The following MAP3K9 variants were observed in gnomAD, a reference collection of about 807,000 sequenced individuals.
MAP3K9 encodes the protein mitogen-activated protein kinase kinase kinase 9.
MAP3K9 carries 46 observed loss-of-function variants against 95.8 expected under a neutral mutation model. The observed-to-expected ratio is 0.48, with a 90% CI of 0.38 to 0.61. The LOEUF (loss-of-function observed/expected upper bound fraction) is 0.61, where lower values mean the gene tolerates loss of function less well. Ranked by LOEUF, MAP3K9 falls within the 20% of genes least tolerant of loss-of-function variation. MAP3K9 has a pLI of 0.00. For synonymous variants in MAP3K9, 533 were observed against 593.8 expected (o/e 0.90, Z 1.49); for missense variants, 1,296 against 1,474.3 (o/e 0.88, Z 1.98).
At chr14:70,776,401 T>G (rs1425911230) in intron 2 of MAP3K9, among the ~76,000 whole-genome samples, 5 of 152,038 alleles carry the variant, frequency 3.3e-5, no homozygotes, top group African/African-American at 1.2e-4. Context: ...GAAGAAACCC[T>G]CCTACACTAG....
In MAP3K9 at chr14:70,741,997, G is replaced by A. The variant is rs547098007; in HGVS notation, c.1567+354C>T. Among the ~76,000 whole-genome samples the A allele has an allele frequency of 9.9e-5, 15 of 152,238 alleles. No homozygotes were observed. In the East Asian group the frequency reaches 2.7e-3, roughly 27 times the overall value. The stretch of plus-strand genomic sequence containing the variant: ...TTATTTTGCAGAGCCAAAACTTCTC[G>A]TGTCTCACACATGCACACCCTGGAA... On this transcript the variant is annotated intron_variant, in intron 6 of 11. Coordinates refer to ENST00000554752, the MANE Select transcript of MAP3K9 (RefSeq NM_001284230.2).
At chr14:70,783,563 G>C in intron 2 of MAP3K9, 1 of 194,992 alleles carries the variant, frequency 5.1e-6, no homozygotes, top group Non-Finnish European at 9.3e-6. Flanking sequence ...AAATAGCCGG[G>C]AGGCTTCACT....
chr14:70,785,437 T>A (rs1234935250), intron 2 of MAP3K9, among the ~76,000 whole-genome samples: 2 of 152,184 alleles, frequency 1.3e-5, no homozygotes, highest in Non-Finnish European at 2.9e-5. Flanking sequence ...ACACTAACAA[T>A]AAAATAGAAC....
chr14:70,780,609 A>G (rs531840622), intron 2 of MAP3K9, among the ~76,000 whole-genome samples: 1 of 152,312 alleles, frequency 6.6e-6, no homozygotes, highest in Non-Finnish European at 1.5e-5. Context: ...TCTTGTGCAA[A>G]TTAAGCCCAG....
In MAP3K9 at chr14:70,808,918, T is replaced by C. The variant is rs377295870; in HGVS notation, c.254A>G (p.Asp85Gly). The stretch of plus-strand genomic sequence containing the variant: ...GCCCTCGTCGCCGGACACCTGCGAG[T>C]CCTTGGACAGCACCTCCACCACGTC... Reference protein sequence around the residue: ...LGDVVEVLSKDSQVSGDEGWW... With the variant: ...LGDVVEVLSKGSQVSGDEGWW... The change falls in exon 1 of 12, where the codon GAC becomes GGC. Residue 85 changes from aspartate (D) to glycine (G), a missense_variant. Around this residue, in one of 5 missense-constraint regions of MAP3K9, gnomAD observed 338 missense variants for 363.4 expected, o/e 0.93. Transcript: ENST00000554752. 181 of 1,591,098 alleles carry C rather than the reference T, an allele frequency of 1.1e-4. No homozygotes were observed. The highest frequency in any genetic ancestry group is 1.5e-4 in the Non-Finnish European group (175 of 1,173,432).
chr14:70,748,716 C>CAA, intron 5 of MAP3K9, 113 bp downstream of exon 5: 1 of 768,940 alleles, frequency 1.3e-6, no homozygotes. Context: ...ATGCTAGAAT[C>CAA]AAGATGGTCA....
intron 3 of MAP3K9, among the ~76,000 whole-genome samples, chr14:70,755,077 A>G (rs2054280402): frequency 6.6e-6 from 1 of 152,206 alleles, no homozygotes; most frequent in Admixed American, 6.5e-5. Flanking sequence ...GGCCCTGGGC[A>G]CCTGGAATAG....
At chr14:70,793,069 G>A (rs369315315) in intron 2 of MAP3K9, among the ~76,000 whole-genome samples, 4 of 152,328 alleles carry the variant, frequency 2.6e-5, no homozygotes, top group South Asian at 2.1e-4. Context: ...GCACCATGAG[G>A]AGCGTGACAG....
chr14:70,773,269 G>A, intron 2 of MAP3K9, among the ~76,000 whole-genome samples: 1 of 152,214 alleles, frequency 6.6e-6, no homozygotes, highest in East Asian at 1.9e-4. Context: ...CTCTGAAGGG[G>A]TGAATGGGAG....
rs1051004735 is a variant in MAP3K9 at position 70,732,299 on chromosome 14, C to G, written c.2830+240G>C. Reference sequence around the variant, plus strand: ...CAAAGGAGTCCCAGGTCTTCTGATTCTTCCTAGAACCTGCCTGTCTTCTTT... The same window carrying G: ...CAAAGGAGTCCCAGGTCTTCTGATTGTTCCTAGAACCTGCCTGTCTTCTTT... On this transcript the variant is annotated intron_variant, in intron 11 of 11. Transcript: ENST00000554752. 2.0e-5 allele frequency among the ~76,000 whole-genome samples: 3 copies of G among 152,144 alleles called. No individual in the cohort carries two copies. The East Asian group carries it at 5.8e-4, about 29-fold the overall frequency.
At chr14:70,732,214 C>T (rs917219884) in intron 11 of MAP3K9, among the ~76,000 whole-genome samples, 2 of 152,180 alleles carry the variant, frequency 1.3e-5, no homozygotes, top group African/African-American at 4.8e-5. Context: ...AAGCTAGACT[C>T]CTGCCCTTCC....
intron 2 of MAP3K9, among the ~76,000 whole-genome samples, chr14:70,793,374 C>T (rs10143031): frequency 0.46 from 70,112 of 151,922 alleles, 16,498 homozygotes; most frequent in Non-Finnish European, 0.48. Context: ...GGCCAGGGGA[C>T]TCTAACGAGG....
At chr14:70,738,035 T>C (rs1050503979) in intron 8 of MAP3K9, among the ~76,000 whole-genome samples, 3 of 152,224 alleles carry the variant, frequency 2.0e-5, no homozygotes, top group Non-Finnish European at 2.9e-5. Flanking sequence ...ATATGTATTA[T>C]CTGGCTCTTT....
At position 70,732,989 on chromosome 14, in the gene MAP3K9, G is replaced by A. The variant is rs769286914; in HGVS notation, c.2380C>T (p.Arg794Trp). ...EPPAREEKKR[R>W]EGLFQRSSRP... Reference sequence around the variant, plus strand: ...CTGGACCTCTGAAAAAGACCCTCCCGTCTTTTCTTCTCCTCCCGGGCTGGT... The same window carrying A: ...CTGGACCTCTGAAAAAGACCCTCCCATCTTTTCTTCTCCTCCCGGGCTGGT... The change falls in exon 11 of 12, where the codon CGG becomes TGG. Residue 794 changes from arginine (R) to tryptophan (W), a missense_variant. Physicochemically the swap from Arg to Trp is moderately radical, Grantham distance 101. This residue lies in a region of MAP3K9 where 433 missense variants were observed against 441.4 expected (regional missense o/e 0.98). Transcript: ENST00000554752. 48 of 1,613,994 alleles carry A rather than the reference G, an allele frequency of 3.0e-5. 1 individual carries two copies. Among genetic ancestry groups the A allele is most frequent in the African/African-American group, 5.3e-5 (4 of 74,898 alleles).
chr14:70,808,894 C>G lies in MAP3K9; in HGVS notation c.278G>C (p.Gly93Ala), dbSNP rs1416948546. Residue 93 changes from glycine to alanine, a missense_variant, in exon 1 of 12, where the codon GGC becomes GCC. Physicochemically the swap from Gly to Ala is moderately conservative, Grantham distance 60. Coordinates refer to ENST00000554752, the MANE Select transcript of MAP3K9 (RefSeq NM_001284230.2). Reference protein sequence around the residue: ...SKDSQVSGDEGWWTGQLNQRV... With the variant: ...SKDSQVSGDEAWWTGQLNQRV... ...CTGGTTCAGCTGCCCGGTCCACCAG[C>G]CCTCGTCGCCGGACACCTGCGAGTC... 1 of 1,597,580 alleles carries G rather than the reference C, an allele frequency of 6.3e-7. No homozygotes were observed.
chr14:70,806,175 T>C (rs963954138), intron 1 of MAP3K9, among the ~76,000 whole-genome samples: 2 of 152,220 alleles, frequency 1.3e-5, no homozygotes, highest in Non-Finnish European at 2.9e-5. Context: ...TCGTCTTCAC[T>C]TTCCGAGTGA....
In MAP3K9 at chr14:70,795,900, C is replaced by T. The variant is rs575356349; in HGVS notation, c.820+4767G>A. Among the ~76,000 whole-genome samples the T allele has an allele frequency of 8.5e-5, 13 of 152,092 alleles. 1 individual carries two copies. In the South Asian group the frequency reaches 2.1e-3, roughly 24 times the overall value. ...CCTCCCGAGTAGCTGGGATTACAGG[C>T]GCCCACCACCACCCCAGGCTAATTT... On this transcript the variant is annotated intron_variant, in intron 2 of 11. Transcript: ENST00000554752.
In MAP3K9 at chr14:70,783,416, T is replaced by C. The variant is rs1435005043; in HGVS notation, c.820+17251A>G. On this transcript the variant is annotated intron_variant, in intron 2 of 11. Coordinates refer to ENST00000554752, the MANE Select transcript of MAP3K9 (RefSeq NM_001284230.2). ...ACTGTCCTTATAGAAAGAAGCTCCC[T>C]CATTTCCTGCTCAAAATTCCTCCCA... is the stretch of plus-strand genomic sequence containing the variant. 3 of 985,100 alleles carry C rather than the reference T, an allele frequency of 3.0e-6. No individual in the cohort carries two copies. The African/African-American group carries it at 5.2e-5, about 17-fold the overall frequency. The allele number at this position is 985,100 out of a possible 1,614,324, so 61.0% of individuals were successfully genotyped here. A position where few individuals can be genotyped will look rare whatever the true frequency, so the allele number is the denominator to read the frequency against.
intron 2 of MAP3K9, among the ~76,000 whole-genome samples, chr14:70,769,684 C>T (rs903588192): frequency 2.6e-5 from 4 of 152,172 alleles, no homozygotes; most frequent in African/African-American, 4.8e-5. Flanking sequence ...TCCCTTGGCT[C>T]GTAGCAGCGT....
Sources: allele counts gnomAD v4.1 joint callset (sites outside exome capture counted in the v4.1 genomes callset), GRCh38; gene constraint gnomAD v4.1.1; regional missense constraint gnomAD v4.1.1; transcripts MANE v1.5; gene names NCBI Gene and HGNC (gene_info 2026-07-23, HGNC 2026-07-21).